Variants in TMEM181 observed in about 807,000 individuals in gnomAD.
TMEM181 encodes G protein-coupled receptor 178.
In TMEM181, 39 loss-of-function variants were observed where a neutral mutation model predicts 71.9. The observed-to-expected ratio is 0.54, with a 90% confidence interval of 0.42 to 0.71. TMEM181 has a LOEUF of 0.71. TMEM181 is among the 30% of genes least tolerant of loss of function. The pLI is 0.00. For missense variants in TMEM181, 595 were observed against 583.0 expected (o/e 1.02, Z -0.21); for synonymous variants, 245 against 228.8 (o/e 1.07, Z -0.64).
intron 3 of TMEM181, 131 bp downstream of exon 3, chr6:158,581,126 T>G: frequency 1.2e-6 from 1 of 836,700 alleles, no homozygotes; most frequent in Non-Finnish European, 1.9e-6. Flanking sequence ...AACACATTTC[T>G]TCTTCCATTG....
chr6:158,542,730 G>A (rs918854415), intron 1 of TMEM181, among the ~76,000 whole-genome samples: 1 of 152,014 alleles, frequency 6.6e-6, no homozygotes, highest in African/African-American at 2.4e-5. Flanking sequence ...TCAGCCTCCT[G>A]AGTAGCTGGG....
chr6:158,569,384 A>ACTTGCT (rs1432239487), intron 1 of TMEM181, among the ~76,000 whole-genome samples: 1 of 152,256 alleles, frequency 6.6e-6, no homozygotes, highest in Non-Finnish European at 1.5e-5. Flanking sequence ...ACAGGCGGTT[A>ACTTGCT]TACCCAGCTT....
At chr6:158,597,527 GT>G (rs1443569525) in intron 6 of TMEM181, among the ~76,000 whole-genome samples, 2 of 151,810 alleles carry the variant, frequency 1.3e-5, no homozygotes, top group South Asian at 2.1e-4. Flanking sequence ...TTGAGACAGG[GT>G]TTTGCTCTGT....
intron 6 of TMEM181, 136 bp from the exon 7 acceptor site, chr6:158,605,131 A>AAGTGTGGGT: frequency 6.3e-6 from 1 of 159,684 alleles, no homozygotes; most frequent in Admixed American, 1.1e-4. Flanking sequence ...AAAAAAAAAA[A>AAGTGTGGGT]GTGTGTGTGT....
intron 10 of TMEM181, among the ~76,000 whole-genome samples, chr6:158,622,511 C>T (rs1194345939): frequency 1.3e-5 from 2 of 152,164 alleles, no homozygotes; most frequent in Non-Finnish European, 2.9e-5. Context: ...GTACACAGGA[C>T]AAAGGGGTGG....
intron 1 of TMEM181, among the ~76,000 whole-genome samples, chr6:158,553,160 C>G (rs1313050085): frequency 6.6e-6 from 1 of 150,398 alleles, no homozygotes; most frequent in Non-Finnish European, 1.5e-5. Flanking sequence ...TGCACTCCAG[C>G]CTGGGCGACA....
intron 1 of TMEM181, among the ~76,000 whole-genome samples, chr6:158,546,196 T>A (rs1781521982): frequency 6.6e-6 from 1 of 152,146 alleles, no homozygotes; most frequent in Non-Finnish European, 1.5e-5. Flanking sequence ...CCAGAACCCG[T>A]GTTCTTCCAG....
chr6:158,631,666 C>A (rs1406687879), intron 16 of TMEM181, 144 bp from the exon 17 acceptor site: 2 of 962,884 alleles, frequency 2.1e-6, no homozygotes, highest in Admixed American at 2.2e-5. Flanking sequence ...GAGAGGAGGA[C>A]GGGGTGAGCA....
intron 2 of TMEM181, among the ~76,000 whole-genome samples, chr6:158,576,107 A>G (rs1783139008): frequency 6.6e-6 from 1 of 152,184 alleles, no homozygotes; most frequent in Non-Finnish European, 1.5e-5. Context: ...CAGAATCTGT[A>G]TGGTGTAACT....
chr6:158,581,753 CAAA>C (rs10626721), intron 3 of TMEM181, among the ~76,000 whole-genome samples: 9 of 62,168 alleles, frequency 1.4e-4, no homozygotes, highest in East Asian at 5.4e-4. Context: ...GACTCTGTCT[CAAA>C]AAAAAAAAAA....
At chr6:158,605,154 GT>G in intron 6 of TMEM181, 112 bp from the exon 7 acceptor site, 1 of 576,258 alleles carries the variant, frequency 1.7e-6, no homozygotes, top group Non-Finnish European at 3.1e-6. Flanking sequence ...GTGTGTGTGT[GT>G]GTGTATGTGT....
At chr6:158,573,922 G>T (rs1187715045) in intron 2 of TMEM181, among the ~76,000 whole-genome samples, 1 of 152,112 alleles carries the variant, frequency 6.6e-6, no homozygotes, top group Non-Finnish European at 1.5e-5. Context: ...GGAGGAGAGT[G>T]GGGGGCTGAT....
chr6:158,571,323 C>T (rs1390896505), intron 1 of TMEM181, among the ~76,000 whole-genome samples: 1 of 151,388 alleles, frequency 6.6e-6, no homozygotes, highest in Admixed American at 6.6e-5. Flanking sequence ...GTCTCGATCT[C>T]CTGACCTTGT....
chr6:158,599,790 C>T (rs971126505), intron 6 of TMEM181, among the ~76,000 whole-genome samples: 3 of 152,250 alleles, frequency 2.0e-5, no homozygotes, highest in Non-Finnish European at 4.4e-5. Flanking sequence ...GGGCTTCCTG[C>T]AGCTTGCTTG....
intron 1 of TMEM181, among the ~76,000 whole-genome samples, chr6:158,566,289 C>G (rs532995806): frequency 2.5e-4 from 38 of 152,080 alleles, no homozygotes; most frequent in African/African-American, 8.7e-4. Context: ...AGGTCTAGAG[C>G]AGGCCATTGT....
intron 6 of TMEM181, among the ~76,000 whole-genome samples, chr6:158,601,859 T>C (rs1219424462): frequency 6.6e-6 from 1 of 152,136 alleles, no homozygotes; most frequent in Non-Finnish European, 1.5e-5. Context: ...TTTCTTGAGA[T>C]TAAGTCATTT....
intron 6 of TMEM181, 75 bp from the exon 7 acceptor site, chr6:158,605,190 CTA>C: frequency 2.1e-6 from 2 of 948,848 alleles, no homozygotes; most frequent in Non-Finnish European, 3.3e-6. Flanking sequence ...CTAGAGATAA[CTA>C]TTAGTAATCT....
rs1321946263 is a variant in TMEM181, at chr6:158,635,156, T to C, written c.*3268T>C. On this transcript the variant is annotated 3_prime_UTR_variant, in exon 17 of 17. Transcript: ENST00000684151. ...CGCTAGTAACTGTGATACCATACTA[T>C]AAAACAGAAGAATTTTCTGCTACTA... The C allele has an allele frequency of 6.6e-6, 1 of 152,238 alleles. No homozygotes were observed. The highest frequency in any genetic ancestry group is 2.4e-5 in the African/African-American group (1 of 41,460). The allele number at this position is 152,238 out of a possible 1,614,324, so 9.4% of individuals were successfully genotyped here. A position where few individuals can be genotyped will look rare whatever the true frequency, so the allele number is the denominator to read the frequency against.
chr6:158,604,131 C>T (rs192441192), intron 6 of TMEM181, among the ~76,000 whole-genome samples: 7 of 152,356 alleles, frequency 4.6e-5, no homozygotes, highest in South Asian at 4.1e-4. Flanking sequence ...TCTCTCTGTA[C>T]AGCTCTCCTT....
Sources: gnomAD v4.1 joint callset for allele counts (sites outside exome capture counted in the v4.1 genomes callset) on GRCh38, gnomAD v4.1.1 for gene constraint, MANE v1.5 for transcripts, NCBI Gene and HGNC (gene_info 2026-07-23, HGNC 2026-07-21) for gene names.